MAP3K2: variants seen among roughly 807,000 people sequenced by gnomAD.
MAP3K2 encodes MAP/ERK kinase kinase 2.
Under a neutral mutation model 80.3 loss-of-function variants are expected in MAP3K2, and 24 were observed. The observed-to-expected ratio is 0.30, with a 90% CI of 0.22 to 0.42. The LOEUF (loss-of-function observed/expected upper bound fraction) is 0.42, where lower values mean the gene tolerates loss of function less well. Ranked by LOEUF, MAP3K2 falls within the 10% of genes least tolerant of loss-of-function variation. The probability of loss-of-function intolerance (pLI) is 1.00; values close to 1 mark genes in which losing one functional copy is unlikely to be tolerated. For missense variants in MAP3K2, 608 were observed against 750.1 expected, an observed-to-expected ratio of 0.81 and a Z score of 2.21; for synonymous variants, 244 against 253.7, an observed-to-expected ratio of 0.96 and a Z score of 0.36.
At chr2:127,335,420 G>A (rs1351300331) in intron 5 of MAP3K2, among the ~76,000 whole-genome samples, 2 of 152,174 alleles carry the variant, frequency 1.3e-5, no homozygotes, top group Non-Finnish European at 2.9e-5. Flanking sequence ...CACTGCTAGA[G>A]CAAGCCCTTC....
In MAP3K2 at chr2:127,312,497, CA is replaced by C. The variant is rs1307150490; in HGVS notation, c.1456+2256del. Among the ~76,000 whole-genome samples, 25 of 151,420 alleles carry C rather than the reference CA, an allele frequency of 1.7e-4. No homozygotes were observed. In the South Asian group the frequency reaches 3.7e-3, roughly 23 times the overall value. ...GCAACATAGCAATACCCTATCTCTA[CA>C]AAAAAAAATTTAATTAACTGGGCAT... On this transcript the variant is annotated intron_variant, in intron 15 of 16. Transcript: ENST00000682094.
intron 1 of MAP3K2, among the ~76,000 whole-genome samples, chr2:127,359,435 C>T (rs1015783048): frequency 7.2e-5 from 11 of 152,184 alleles, no homozygotes; most frequent in Admixed American, 5.2e-4. Flanking sequence ...TTTGAAAAGA[C>T]ATCTCATCAA....
intron 5 of MAP3K2, among the ~76,000 whole-genome samples, chr2:127,334,993 C>T (rs184456510): frequency 6.6e-6 from 1 of 152,188 alleles, no homozygotes; most frequent in East Asian, 1.9e-4. Flanking sequence ...TGGTCTTGTT[C>T]TCTTGACCTT....
intron 1 of MAP3K2, among the ~76,000 whole-genome samples, chr2:127,350,448 C>CAA (rs1187932434): frequency 2.6e-3 from 65 of 25,398 alleles, no homozygotes; most frequent in African/African-American, 6.7e-3. Flanking sequence ...GAAACAAAAA[C>CAA]AAAAACAAAA....
chr2:127,313,558 C>G (rs1685847162), intron 15 of MAP3K2, among the ~76,000 whole-genome samples: 1 of 152,198 alleles, frequency 6.6e-6, no homozygotes, highest in African/African-American at 2.4e-5. Context: ...AAGTGAAAGC[C>G]TGGGAGCTCG....
At position 127,339,104 on chromosome 2, in the gene MAP3K2, C is replaced by A; in HGVS notation, c.5-54G>T. ...AGAATTGTAATTGTGACATATATAT[C>A]AACATGTATAGACATCAAACACAAA... On this transcript the variant is annotated intron_variant, in intron 2 of 16. Transcript: ENST00000682094. This position sits in a 1 kb window ranked among gnomAD's most constrained non-coding sequence, Gnocchi z 4.2. 5.6e-6 allele frequency: 6 copies of A among 1,078,264 alleles called. No homozygotes were observed. Among genetic ancestry groups the A allele is most frequent in the Non-Finnish European group, 8.3e-6 (6 of 720,266 alleles). 66.8% of individuals were successfully genotyped at this position (1,078,264 alleles called of 1,614,324 possible).
chr2:127,342,386 A>AGGGT lies in MAP3K2; in HGVS notation c.4+736_4+739dup, dbSNP rs1553517737. ...CATGGGCAAATATAAGTTCTTCATG[A>AGGGT]GGGTGTGTGTGTGTGTGTGTGTGTG... is the stretch of plus-strand genomic sequence containing the variant. On this transcript the variant is annotated intron_variant, in intron 2 of 16. Transcript: ENST00000682094. 9.3e-5 allele frequency among the ~76,000 whole-genome samples: 6 copies of AGGGT among 64,436 alleles called. 1 individual carries two copies. The highest frequency in any genetic ancestry group is 3.2e-4 in the African/African-American group (6 of 18,596). 42.3% of individuals were successfully genotyped at this position (64,436 alleles called of 152,430 possible). A position where few individuals can be genotyped will look rare whatever the true frequency, so the allele number is the denominator to read the frequency against.
Position 127,330,500 on chromosome 2 carries a change from T to C in MAP3K2, c.270A>G (p.Val90=), listed in dbSNP as rs1258887887. 1 of 1,570,986 alleles carries C rather than the reference T, an allele frequency of 6.4e-7. No individual in the cohort carries two copies. Among genetic ancestry groups the C allele is most frequent in the Non-Finnish European group, 8.7e-7 (1 of 1,145,816 alleles). The change falls in exon 6 of 17, where the codon GTA becomes GTG. Residue 90 remains valine, a synonymous_variant. Transcript: ENST00000682094. ...MDLHYTNNEL[V]IPLTTQDDLD... is the part of the protein sequence containing the mutation. ...AGTCATCTTGAGTAGTTAATGGAAT[T>C]ACCAACTAAAAACAAACATAAGGAA...
In MAP3K2 at chr2:127,311,345, C is replaced by T. The variant is rs548856109; in HGVS notation, c.1457-2583G>A. Among the ~76,000 whole-genome samples, 24 of 152,252 alleles carry T rather than the reference C, an allele frequency of 1.6e-4. No individual in the cohort carries two copies. The South Asian group carries it at 4.6e-3, about 29-fold the overall frequency. On this transcript the variant is annotated intron_variant, in intron 15 of 16. Transcript: ENST00000682094. The stretch of plus-strand genomic sequence containing the variant: ...AACAAAGCCCATTTTTTACTGGCTA[C>T]AAGCAGGGCTCTGATAGGGGAAGGA...
intron 16 of MAP3K2, 34 bp downstream of exon 16, chr2:127,308,551 G>A (rs1461312792): frequency 6.6e-7 from 1 of 1,520,958 alleles, no homozygotes; most frequent in Non-Finnish European, 8.9e-7. Context: ...TAGGCGGCAG[G>A]TGGTTTTCAA....
In MAP3K2 at chr2:127,381,119, A is replaced by C. The variant is rs535509205; in HGVS notation, c.-66+6333T>G. ...TGGGCTAAAGGGATTCTCCTGCCTT[A>C]ACCTCCTGAGTAGTTGAGGCATGCA... is the stretch of plus-strand genomic sequence containing the variant. On this transcript the variant is annotated intron_variant, in intron 1 of 16. Coordinates refer to ENST00000682094, the MANE Select transcript of MAP3K2 (RefSeq NM_001371910.2). Among the ~76,000 whole-genome samples the C allele has an allele frequency of 3.3e-5, 5 of 152,318 alleles. No individual in the cohort carries two copies. The East Asian group carries it at 9.6e-4, about 29-fold the overall frequency.
chr2:127,378,938 G>A (rs1258602899), intron 1 of MAP3K2, among the ~76,000 whole-genome samples: 4 of 150,198 alleles, frequency 2.7e-5, no homozygotes, highest in East Asian at 3.9e-4. Flanking sequence ...AACTACCGGC[G>A]TGTGTGCTAT....
intron 2 of MAP3K2, among the ~76,000 whole-genome samples, chr2:127,341,150 T>A (rs1361104173): frequency 6.6e-6 from 1 of 151,668 alleles, no homozygotes; most frequent in African/African-American, 2.4e-5. Flanking sequence ...CCACCACGCC[T>A]GGCTAATTTT....
Position 127,303,471 on chromosome 2 carries a change from GT to G in MAP3K2, c.*4107del, listed in dbSNP as rs1318216051. 3.9e-5 allele frequency: 6 copies of G among 152,084 alleles called. No individual in the cohort carries two copies. The East Asian group carries it at 1.2e-3, about 29-fold the overall frequency. The allele number at this position is 152,084 out of a possible 1,614,324, so 9.4% of individuals were successfully genotyped here. A position where few individuals can be genotyped will look rare whatever the true frequency, so the allele number is the denominator to read the frequency against. On this transcript the variant is annotated 3_prime_UTR_variant, in exon 17 of 17. Transcript: ENST00000682094. ...CCTGGTTGGGGAGGGGATCCCTCTA[GT>G]TTGGAGATACTTTTACTCTAATCCC...
chr2:127,314,906 TA>T, intron 14 of MAP3K2, 23 bp from the exon 15 acceptor site: 1 of 1,545,104 alleles, frequency 6.5e-7, no homozygotes, highest in Non-Finnish European at 8.8e-7. Context: ...AAAACAAAAA[TA>T]AAAACTACTG....
At chr2:127,357,418 T>C (rs1393234665) in intron 1 of MAP3K2, among the ~76,000 whole-genome samples, 1 of 152,082 alleles carries the variant, frequency 6.6e-6, no homozygotes, top group Non-Finnish European at 1.5e-5. Context: ...AGCCCAGGAG[T>C]TCGAGGCTGC....
chr2:127,346,988 C>A (rs1231284663), intron 1 of MAP3K2, among the ~76,000 whole-genome samples: 9 of 151,690 alleles, frequency 5.9e-5, no homozygotes, highest in Non-Finnish European at 8.8e-5. Flanking sequence ...GAGACTCTGT[C>A]TCAAGGAAAA....
intron 14 of MAP3K2, among the ~76,000 whole-genome samples, chr2:127,316,028 T>C (rs1685895449): frequency 6.6e-6 from 1 of 151,916 alleles, no homozygotes; most frequent in Middle Eastern, 3.2e-3. Flanking sequence ...TGAGCCGAGA[T>C]CGCACCACTG....
Position 127,299,019 on chromosome 2 carries a change from T to A in MAP3K2, c.*8560A>T, listed in dbSNP as rs897994187. On this transcript the variant is annotated 3_prime_UTR_variant, in exon 17 of 17. Transcript: ENST00000682094. ...GAAATTATAAAACTCAGAAATTGTA[T>A]ACATTTTTACAAGCACAATTTTGAA... is the stretch of plus-strand genomic sequence containing the variant. 1 of 152,186 alleles carries A rather than the reference T, an allele frequency of 6.6e-6. No individual in the cohort carries two copies. The highest frequency in any genetic ancestry group is 1.5e-5 in the Non-Finnish European group (1 of 68,032). 9.4% of individuals were successfully genotyped at this position (152,186 alleles called of 1,614,324 possible).
Sources: gnomAD v4.1 joint callset for allele counts (sites outside exome capture counted in the v4.1 genomes callset) on GRCh38, gnomAD v4.1.1 for gene constraint, Gnocchi (gnomAD v3.1) non-coding constraint, MANE v1.5 for transcripts, NCBI Gene and HGNC (gene_info 2026-07-23, HGNC 2026-07-21) for gene names.